The following SCFD2 variants were observed in gnomAD, a reference collection of about 807,000 sequenced individuals.
The protein encoded by SCFD2 is sec1 family domain-containing protein 2.
In SCFD2, 54 loss-of-function variants were observed where a neutral mutation model predicts 58.9. The observed-to-expected ratio is 0.92, with a 90% CI of 0.74 to 1.15. The LOEUF is 1.15. SCFD2 is among the 50% of genes most tolerant of loss of function. The pLI is 0.00. For synonymous variants in SCFD2, 321 were observed against 335.9 expected, an observed-to-expected ratio of 0.96 and a Z score of 0.49; for missense variants, 805 against 836.6, an observed-to-expected ratio of 0.96 and a Z score of 0.47.
intron 2 of SCFD2, among the ~76,000 whole-genome samples, chr4:53,328,728 T>A (rs1577971529): frequency 6.6e-6 from 1 of 151,916 alleles, no homozygotes; most frequent in Middle Eastern, 3.4e-3. Context: ...AGTCAAGAAA[T>A]ATTGGGGGAG....
intron 5 of SCFD2, among the ~76,000 whole-genome samples, chr4:53,096,899 T>G (rs982550850): frequency 6.6e-6 from 1 of 152,172 alleles, no homozygotes; most frequent in Non-Finnish European, 1.5e-5. Flanking sequence ...GTATAAGGTG[T>G]AAGGAAGGGA....
chr4:53,214,811 C>T lies in SCFD2; in HGVS notation c.1311+59015G>A, dbSNP rs541825071. ...GTCTAACATGTAAGTCTTTAATCCA[C>T]CTTGAATTAATTTTTGTATAAGATG... is the stretch of plus-strand genomic sequence containing the variant. On this transcript the variant is annotated intron_variant, in intron 4 of 8. Transcript: ENST00000401642. Among the ~76,000 whole-genome samples the T allele has an allele frequency of 8.9e-4, 135 of 152,040 alleles. 1 individual carries two copies. The highest frequency in any genetic ancestry group is 1.3e-3 in the Non-Finnish European group (86 of 67,994).
chr4:53,326,224 C>A (rs543394311), intron 2 of SCFD2, among the ~76,000 whole-genome samples: 13 of 152,240 alleles, frequency 8.5e-5, no homozygotes, highest in Middle Eastern at 3.4e-3. Flanking sequence ...TTCACTGCAG[C>A]CTCCACCTCC....
intron 4 of SCFD2, among the ~76,000 whole-genome samples, chr4:53,199,809 G>GT (rs897779544): frequency 1.2e-4 from 18 of 152,238 alleles, no homozygotes; most frequent in African/African-American, 4.3e-4. Flanking sequence ...TATTTTCTCA[G>GT]TTTTAGAAGC....
chr4:53,285,780 C>T (rs1481686841), intron 3 of SCFD2, among the ~76,000 whole-genome samples: 7 of 151,998 alleles, frequency 4.6e-5, no homozygotes, highest in African/African-American at 1.7e-4. Context: ...AAGCTGGAGG[C>T]CTCCAGCAGC....
At chr4:53,271,732 G>A (rs1308440279) in intron 4 of SCFD2, among the ~76,000 whole-genome samples, 2 of 152,040 alleles carry the variant, frequency 1.3e-5, no homozygotes, top group Non-Finnish European at 2.9e-5. Flanking sequence ...CAAAGTGCTG[G>A]GATTACAAGT....
intron 4 of SCFD2, among the ~76,000 whole-genome samples, chr4:53,238,287 G>A (rs1729743293): frequency 5.3e-5 from 1 of 18,716 alleles, no homozygotes; most frequent in South Asian, 2.9e-3. Context: ...CCTGGACGGG[G>A]CAGCTGGCCG....
At position 53,330,799 on chromosome 4, in the gene SCFD2, G is replaced by C. The variant is rs574575368; in HGVS notation, c.1008-17036C>G. On this transcript the variant is annotated intron_variant, in intron 2 of 8. Transcript: ENST00000401642. ...TGCTCCAATTAAAAGACACAGACTG[G>C]CAAATTGGATAAAGAGTCAAGACCC... 8.7e-3 allele frequency among the ~76,000 whole-genome samples: 1,321 copies of C among 152,132 alleles called. 21 individuals are homozygous for C. The highest frequency in any genetic ancestry group is 0.03 in the African/African-American group (1,245 of 41,480).
chr4:52,991,871 C>T (rs1017912589), intron 5 of SCFD2, among the ~76,000 whole-genome samples: 2 of 152,128 alleles, frequency 1.3e-5, no homozygotes, highest in African/African-American at 4.8e-5. Context: ...ATCTTGAATC[C>T]TTTTGGAATG....
intron 7 of SCFD2, among the ~76,000 whole-genome samples, chr4:52,892,306 G>C (rs1488717573): frequency 1.3e-5 from 2 of 152,102 alleles, no homozygotes; most frequent in Non-Finnish European, 2.9e-5. Context: ...CTTGACCTTA[G>C]ACTTTCATCT....
intron 4 of SCFD2, among the ~76,000 whole-genome samples, chr4:53,229,176 G>A (rs1266325606): frequency 4.6e-5 from 7 of 152,222 alleles, no homozygotes; most frequent in East Asian, 1.9e-4. Flanking sequence ...AATCAATATC[G>A]TGAAAATGGC....
intron 4 of SCFD2, among the ~76,000 whole-genome samples, chr4:53,196,567 C>T (rs146718100): frequency 5.2e-4 from 79 of 152,218 alleles, no homozygotes; most frequent in African/African-American, 1.8e-3. Context: ...TAATGTGCTC[C>T]AGGTTTAAGC....
intron 5 of SCFD2, among the ~76,000 whole-genome samples, chr4:52,925,135 T>C (rs1031830757): frequency 6.6e-5 from 10 of 151,990 alleles, no homozygotes; most frequent in Non-Finnish European, 1.3e-4. Context: ...AGAAGTTAAG[T>C]AACACAAACT....
intron 5 of SCFD2, among the ~76,000 whole-genome samples, chr4:52,942,954 A>AG (rs1488170156): frequency 6.6e-6 from 1 of 152,184 alleles, no homozygotes; most frequent in African/African-American, 2.4e-5. Flanking sequence ...GCAAAAAAAA[A>AG]AAAAGTCATT....
rs547625522 is a variant in SCFD2 at position 52,900,462 on chromosome 4, G to A, written c.1842+6995C>T. Among the ~76,000 whole-genome samples, 3 of 152,266 alleles carry A rather than the reference G, an allele frequency of 2.0e-5. No homozygotes were observed. In the South Asian group the frequency reaches 6.2e-4, roughly 32 times the overall value. On this transcript the variant is annotated intron_variant, in intron 7 of 8. Coordinates refer to ENST00000401642, the MANE Select transcript of SCFD2 (RefSeq NM_152540.4). ...CGGTGGCTGCAGAACAGTGGATATT[G>A]GTGAACCGCAAATGCTGCTGCCTGA...
At chr4:53,279,111 A>G (rs1731430515) in intron 3 of SCFD2, among the ~76,000 whole-genome samples, 1 of 152,216 alleles carries the variant, frequency 6.6e-6, no homozygotes, top group Non-Finnish European at 1.5e-5. Flanking sequence ...TACAAAAACA[A>G]GCAAACAAAC....
chr4:53,132,527 A>C (rs2148900654), intron 5 of SCFD2, among the ~76,000 whole-genome samples: 1 of 152,344 alleles, frequency 6.6e-6, no homozygotes, highest in East Asian at 1.9e-4. Context: ...TGTATTCTGT[A>C]ATGGAAAAGT....
At chr4:53,092,640 A>G (rs1471389639) in intron 5 of SCFD2, among the ~76,000 whole-genome samples, 6 of 152,148 alleles carry the variant, frequency 3.9e-5, no homozygotes, top group Admixed American at 3.3e-4. Flanking sequence ...TATATGATAT[A>G]AAAAGAACTA....
At chr4:53,239,073 T>G (rs1472989403) in intron 4 of SCFD2, among the ~76,000 whole-genome samples, 2 of 151,016 alleles carry the variant, frequency 1.3e-5, no homozygotes, top group Non-Finnish European at 3.0e-5. Context: ...TGGGCACCAT[T>G]GAGCACTGAG....
Sources: allele counts gnomAD v4.1 joint callset (sites outside exome capture counted in the v4.1 genomes callset), GRCh38; gene constraint gnomAD v4.1.1; transcripts MANE v1.5; gene names NCBI Gene and HGNC (gene_info 2026-07-23, HGNC 2026-07-21).